The following CDAN1 variants were observed in gnomAD, a reference collection of about 807,000 sequenced individuals.
CDAN1 encodes codanin 1.
Under a neutral mutation model 139.8 loss-of-function variants are expected in CDAN1, and 107 were observed. The observed-to-expected ratio is 0.77, with a 90% CI of 0.65 to 0.90. CDAN1 has a LOEUF of 0.90. Among genes scored for constraint, CDAN1 ranks in the 40% least tolerant of loss-of-function variants. The pLI is 0.00. For synonymous variants in CDAN1, 776 were observed against 660.6 expected (o/e 1.17, Z -2.68); for missense variants, 1,667 against 1,575.7 (o/e 1.06, Z -0.98).
At chr15:42,732,976 T>C (rs8027427) in intron 9 of CDAN1, 121 bp downstream of exon 9, 8 of 823,678 alleles carry the variant, frequency 9.7e-6, no homozygotes, top group East Asian at 2.6e-5. Flanking sequence ...CGGAGGATAG[T>C]AGAAAACAGC....
At position 42,733,203 on chromosome 15, in the gene CDAN1, C is replaced by T; in HGVS notation, c.1368-17G>A. 6.2e-7 allele frequency: 1 copy of T among 1,611,172 alleles called. No homozygotes were observed. The highest frequency in any genetic ancestry group is 8.5e-7 in the Non-Finnish European group (1 of 1,177,302). ...AACACATCCCTGACGCATAAGAACGCCTGATCAGCCGAGGCACTCACTCCC... is the reference window on the plus strand; with the variant it reads ...AACACATCCCTGACGCATAAGAACGTCTGATCAGCCGAGGCACTCACTCCC... On this transcript the variant is annotated splice_polypyrimidine_tract_variant and intron_variant, in intron 8 of 27. Transcript: ENST00000356231.
intron 3 of CDAN1, 35 bp downstream of exon 3, chr15:42,735,840 G>A (rs925422802): frequency 6.2e-7 from 1 of 1,611,750 alleles, no homozygotes; most frequent in Non-Finnish European, 8.5e-7. Context: ...CCCACAGCGA[G>A]GAAACCGATA....
chr15:42,725,676 G>T lies in CDAN1; in HGVS notation c.3269-6C>A. The T allele has an allele frequency of 6.2e-7, 1 of 1,613,952 alleles. No homozygotes were observed. Among genetic ancestry groups the T allele is most frequent in the Non-Finnish European group, 8.5e-7 (1 of 1,179,962 alleles). ...GATAGGAATTTGATCTGCAACTGTGGAAAGAGGAAAGCCAAGCTTTAAAAG... is the reference window on the plus strand; with the variant it reads ...GATAGGAATTTGATCTGCAACTGTGTAAAGAGGAAAGCCAAGCTTTAAAAG... On this transcript the variant is annotated splice_polypyrimidine_tract_variant and splice_region_variant and intron_variant, in intron 25 of 27. Transcript: ENST00000356231.
At chr15:42,730,330 G>A (rs900133577) in intron 14 of CDAN1, 115 bp from the exon 15 acceptor site, 3 of 1,066,676 alleles carry the variant, frequency 2.8e-6, no homozygotes, top group Admixed American at 3.6e-5. Flanking sequence ...CTGGGGCCAT[G>A]TTGGCAAGCA....
At chr15:42,726,487 C>A in intron 23 of CDAN1, 70 bp from the exon 24 acceptor site, 1 of 1,260,174 alleles carries the variant, frequency 7.9e-7, no homozygotes, top group Non-Finnish European at 1.1e-6. Context: ...TGGCTTGGGA[C>A]AGGGATCAGC....
Position 42,724,537 on chromosome 15 carries a change from C to G in CDAN1, c.3638G>C (p.Cys1213Ser). The change falls in exon 28 of 28, where the codon TGT becomes TCT. Residue 1213 changes from cysteine (C) to serine (S), a missense_variant. Coordinates refer to ENST00000356231, the MANE Select transcript of CDAN1 (RefSeq NM_138477.4). The part of the protein sequence containing the change: ...PHLPEPQLRA[C>S]ELVQPNRGTV... ...GCCCCGGTTTGGCTGCACCAACTCA[C>G]AGGCTCTTAGCTGGGGTTCTGGCAG... 1 of 1,566,308 alleles carries G rather than the reference C, an allele frequency of 6.4e-7. No homozygotes were observed. Among genetic ancestry groups the G allele is most frequent in the South Asian group, 1.2e-5 (1 of 85,156 alleles).
chr15:42,735,406 T>C, intron 4 of CDAN1, 32 bp from the exon 5 acceptor site: 1 of 1,592,540 alleles, frequency 6.3e-7, no homozygotes, highest in East Asian at 2.3e-5. Context: ...GCCCATGGTA[T>C]GGGCACCATT....
In CDAN1 at chr15:42,724,488, G is replaced by T; in HGVS notation, c.*3C>A. 6.3e-7 allele frequency: 1 copy of T among 1,577,100 alleles called. No individual in the cohort carries two copies. Among genetic ancestry groups the T allele is most frequent in the Non-Finnish European group, 8.6e-7 (1 of 1,160,308 alleles). ...ATGCCCAAGGCAGGGCCACTTCTCA[G>T]CCCTAGCTCTGGGCCAGCACAGTGC... is the stretch of plus-strand genomic sequence containing the variant. On this transcript the variant is annotated 3_prime_UTR_variant, in exon 28 of 28. Transcript: ENST00000356231.
chr15:42,729,428 T>G, intron 17 of CDAN1, 66 bp from the exon 18 acceptor site: 2 of 1,609,482 alleles, frequency 1.2e-6, no homozygotes, highest in South Asian at 1.1e-5. Flanking sequence ...TCATGGACTT[T>G]ACTTGTGGAG....
chr15:42,734,196 G>T, intron 7 of CDAN1, 30 bp downstream of exon 7: 2 of 1,614,058 alleles, frequency 1.2e-6, no homozygotes. Context: ...TTAGGTCCAG[G>T]CTAGTGGGCA....
Position 42,731,803 on chromosome 15 carries a change from GC to G in CDAN1, c.1555del (p.Ala519LeufsTer13), listed in dbSNP as rs754995184. ...GGCCTCGCCCAAGACGGTGCCCCCA[GC>G]ACCACCAGGGCTCTGACACATCTAG... ...LLQMCQSPGG[A>X]GGTVLGEAPD... On this transcript the variant is annotated frameshift_variant, in exon 11 of 28. Coordinates refer to ENST00000356231, the MANE Select transcript of CDAN1 (RefSeq NM_138477.4). LOFTEE classifies it high-confidence loss of function. 1 of 1,613,994 alleles carries G rather than the reference GC, an allele frequency of 6.2e-7. No individual in the cohort carries two copies. Among genetic ancestry groups the G allele is most frequent in the South Asian group, 1.1e-5 (1 of 91,076 alleles).
Position 42,724,492 on chromosome 15 carries a change from T to C in CDAN1, c.3683A>G (p.Ter1228TrpextTer2), listed in dbSNP as rs753360990. ...CCAAGGCAGGGCCACTTCTCAGCCC[T>C]AGCTCTGGGCCAGCACAGTGCCCCG... The part of the protein sequence containing the change: ...PNRGTVLAQS[*>W] The change falls in exon 28 of 28, where the codon TAG becomes TGG. Residue 1228 changes from the stop codon to tryptophan (W), a stop_lost. Coordinates refer to ENST00000356231, the MANE Select transcript of CDAN1 (RefSeq NM_138477.4). 3 of 1,577,208 alleles carry C rather than the reference T, an allele frequency of 1.9e-6. No homozygotes were observed. The highest frequency in any genetic ancestry group is 1.8e-5 in the Admixed American group (1 of 55,248).
At position 42,736,093 on chromosome 15, in the gene CDAN1, C is replaced by T; in HGVS notation, c.570-15G>A. On this transcript the variant is annotated splice_polypyrimidine_tract_variant and intron_variant, in intron 2 of 27. Coordinates refer to ENST00000356231, the MANE Select transcript of CDAN1 (RefSeq NM_138477.4). ...AAGGCTTCGTCCTGCTGAGAGTAGC[C>T]ACAGGTTTTTCTCAAATTCCTATCT... 1.2e-6 allele frequency: 2 copies of T among 1,613,714 alleles called. No homozygotes were observed. The highest frequency in any genetic ancestry group is 1.7e-6 in the Non-Finnish European group (2 of 1,179,698).
intron 10 of CDAN1, among the ~76,000 whole-genome samples, chr15:42,732,102 G>A (rs2061621112): frequency 6.6e-6 from 1 of 152,218 alleles, no homozygotes; most frequent in South Asian, 2.1e-4. Context: ...ACAAATCAGG[G>A]AAGGCAGCAG....
rs2061700550 is a variant in CDAN1, at chr15:42,737,024, G to C, written c.79C>G (p.Gln27Glu). 1 of 1,549,074 alleles carries C rather than the reference G, an allele frequency of 6.5e-7. No homozygotes were observed. Among genetic ancestry groups the C allele is most frequent in the East Asian group, 2.4e-5 (1 of 40,902 alleles). ...AVVRWIARSTQGSEDNAGEAA... is the reference protein window; with the variant it reads ...AVVRWIARSTEGSEDNAGEAA... ...GTCACCGCTGTTACCTCCGAACCCT[G>C]GGTGCTGCGCGCGATCCACCGCACG... Residue 27 changes from glutamine to glutamate, a missense_variant, in exon 1 of 28, where the codon CAG becomes GAG. By Grantham distance (29) the Gln-to-Glu change is conservative (BLOSUM62 2). Around this residue, in one of 3 missense-constraint regions of CDAN1, gnomAD observed 487 missense variants for 422.2 expected, o/e 1.15. Coordinates refer to ENST00000356231, the MANE Select transcript of CDAN1 (RefSeq NM_138477.4).
rs1261159614 is a variant in CDAN1, at chr15:42,728,267, C to T, written c.2805G>A (p.Glu935=). The change falls in exon 21 of 28, where the codon GAG becomes GAA. Residue 935 remains glutamate (E), a splice_region_variant and synonymous_variant. Transcript: ENST00000356231. ...CCCCAGGGCTCTTCCTTTGACAGAACCTAAAAGGGGACAGATGGGGTCAGT... is the reference window on the plus strand; with the variant it reads ...CCCCAGGGCTCTTCCTTTGACAGAATCTAAAAGGGGACAGATGGGGTCAGT... ...HGAQALALGR[E]FCQRKSPGAV... is the part of the protein sequence containing the mutation. 4.3e-6 allele frequency: 7 copies of T among 1,613,842 alleles called. No individual in the cohort carries two copies. The highest frequency in any genetic ancestry group is 1.7e-5 in the Admixed American group (1 of 59,994).
In CDAN1 at chr15:42,730,207, A is replaced by T; in HGVS notation, c.2183T>A (p.Val728Glu). ...TLLLRLHRSLVLSQESEGKMC... is the reference protein window; with the variant it reads ...TLLLRLHRSLELSQESEGKMC... ...CTTCCCCTCACTCTCCTGCGACAAC[A>T]CCAAGCTCCTGAAACATCAATGGGC... is the stretch of plus-strand genomic sequence containing the variant. The change falls in exon 15 of 28, where the codon GTG (valine) becomes GAG (glutamate). Residue 728 changes from valine (V) to glutamate (E), a missense_variant. Physicochemically the swap from Val to Glu is moderately radical, Grantham distance 121. Transcript: ENST00000356231. 1 of 1,614,008 alleles carries T rather than the reference A, an allele frequency of 6.2e-7. No homozygotes were observed. The highest frequency in any genetic ancestry group is 2.2e-5 in the East Asian group (1 of 44,884).
intron 17 of CDAN1, 63 bp downstream of exon 17, chr15:42,729,505 G>T: frequency 1.2e-6 from 2 of 1,607,758 alleles, no homozygotes; most frequent in South Asian, 1.1e-5. Context: ...GGGCCAAGGG[G>T]GTGCCTTTTG....
At position 42,724,597 on chromosome 15, in the gene CDAN1, G is replaced by A; in HGVS notation, c.3578C>T (p.Ala1193Val). The change falls in exon 28 of 28, where the codon GCA becomes GTA. Residue 1193 changes from alanine (A) to valine (V), a missense_variant. This residue lies in a region of CDAN1 where 936 missense variants were observed against 844.1 expected (regional missense o/e 1.11). Transcript: ENST00000356231. ...GGCTAGAAACAGATTAGACAGTGTT[G>A]CTAATTCTTCAGCAAAGTCCTGGAA... Reference protein sequence around the residue: ...QWPGDFAEELATLSNLFLAEP... With the variant: ...QWPGDFAEELVTLSNLFLAEP... The A allele has an allele frequency of 1.3e-6, 2 of 1,552,180 alleles. No individual in the cohort carries two copies. The highest frequency in any genetic ancestry group is 1.7e-6 in the Non-Finnish European group (2 of 1,147,096).
Sources: allele counts gnomAD v4.1 joint callset (sites outside exome capture counted in the v4.1 genomes callset), GRCh38; gene constraint gnomAD v4.1.1; regional missense constraint gnomAD v4.1.1; transcripts MANE v1.5; gene names NCBI Gene and HGNC (gene_info 2026-07-23, HGNC 2026-07-21).